Variants in WDR45B observed in about 807,000 individuals in gnomAD.
WDR45B encodes WD repeat domain phosphoinositide-interacting protein 3.
WDR45B carries 20 observed loss-of-function variants against 44.6 expected under a neutral mutation model. That is an observed-to-expected ratio of 0.45 (90% CI 0.32 to 0.65). WDR45B has a LOEUF of 0.65. WDR45B is among the 30% of genes least tolerant of loss of function. WDR45B has a pLI of 0.05. For missense variants in WDR45B, 323 were observed against 430.2 expected (o/e 0.75, Z 2.20); for synonymous variants, 169 against 164.9 (o/e 1.02, Z -0.19).
chr17:82,629,429 T>C, intron 3 of WDR45B: 1 of 886,678 alleles, frequency 1.1e-6, no homozygotes, highest in Non-Finnish European at 1.4e-6. Flanking sequence ...CTGTCCCTTC[T>C]GGGTGGGCTC....
chr17:82,644,072 TAAA>T (rs1221447077), intron 1 of WDR45B, 49 bp from the exon 2 acceptor site: 1 of 1,584,684 alleles, frequency 6.3e-7, no homozygotes, highest in South Asian at 1.1e-5. Context: ...CTGGAGTGGT[TAAA>T]AGAAAGAGGT....
intron 5 of WDR45B, among the ~76,000 whole-genome samples, chr17:82,624,658 G>A (rs1292479125): frequency 6.7e-6 from 1 of 148,806 alleles, no homozygotes; most frequent in Non-Finnish European, 1.5e-5. Context: ...TTGCTCTATC[G>A]CCCAGGCTGG....
intron 1 of WDR45B, among the ~76,000 whole-genome samples, chr17:82,646,961 G>A (rs2045986050): frequency 6.6e-6 from 1 of 152,230 alleles, no homozygotes; most frequent in African/African-American, 2.4e-5. Flanking sequence ...GCCGGGCGCA[G>A]TGGCTCACGC....
Position 82,614,752 on chromosome 17 carries a change from A to G in WDR45B, c.*1167T>C, listed in dbSNP as rs1059672. Reference sequence around the variant, plus strand: ...AACTAAAGAAACCGGCAAAACCGAGAACTCGCTGCTATGCAGGTTTTACAT... The same window carrying G: ...AACTAAAGAAACCGGCAAAACCGAGGACTCGCTGCTATGCAGGTTTTACAT... On this transcript the variant is annotated 3_prime_UTR_variant, in exon 10 of 10. Transcript: ENST00000392325. 89,473 of 152,306 alleles carry G rather than the reference A, an allele frequency of 0.59. 26,712 individuals are homozygous for G. The highest frequency in any genetic ancestry group is 0.68 in the African/African-American group (28,022 of 41,488). The allele number at this position is 152,306 out of a possible 1,614,324, so 9.4% of individuals were successfully genotyped here.
intron 4 of WDR45B, 66 bp downstream of exon 4, chr17:82,627,138 A>G: frequency 7.7e-7 from 1 of 1,298,872 alleles, no homozygotes; most frequent in Non-Finnish European, 1.1e-6. Context: ...AAAAATAGAA[A>G]AGTATTTCAG....
rs371871552 is a variant in WDR45B, at chr17:82,625,417, G to A, written c.399C>T (p.His133=). 22 of 1,614,052 alleles carry A rather than the reference G, an allele frequency of 1.4e-5. No individual in the cohort carries two copies. Among genetic ancestry groups the A allele is most frequent in the African/African-American group, 2.7e-5 (2 of 74,924 alleles). The part of the protein sequence containing the change: ...FTFTHNPHQL[H]VFETCYNPKG... ...TGGGGTTATAGCAGGTTTCGAAGAC[G>A]TGCAACTGATGGGGATTGTGTGTGA... Residue 133 remains histidine (H), a synonymous_variant, in exon 5 of 10, where the codon CAC becomes CAT. Coordinates refer to ENST00000392325, the MANE Select transcript of WDR45B (RefSeq NM_019613.4).
chr17:82,639,951 G>A (rs1259657771), intron 2 of WDR45B, among the ~76,000 whole-genome samples: 1 of 151,218 alleles, frequency 6.6e-6, no homozygotes, highest in Non-Finnish European at 1.5e-5. Flanking sequence ...GTCGGGTCAG[G>A]TGGGCTGCTG....
intron 2 of WDR45B, among the ~76,000 whole-genome samples, chr17:82,639,218 T>G (rs2045878076): frequency 6.6e-6 from 1 of 152,014 alleles, no homozygotes; most frequent in South Asian, 2.1e-4. Flanking sequence ...CATGGCCATC[T>G]CTCCAAATGA....
chr17:82,629,775 G>A, intron 3 of WDR45B: 1 of 985,528 alleles, frequency 1.0e-6, no homozygotes, highest in Non-Finnish European at 1.2e-6. Flanking sequence ...GAGTCATCTG[G>A]AACCTTCTGC....
intron 2 of WDR45B, among the ~76,000 whole-genome samples, chr17:82,634,152 A>AAAAAAAAG (rs1442997756): frequency 2.2e-5 from 2 of 92,454 alleles, no homozygotes. Context: ...CTCCATCTCA[A>AAAAAAAAG]AAAAAAAAAA....
intron 8 of WDR45B, among the ~76,000 whole-genome samples, chr17:82,616,975 G>A (rs1049583269): frequency 2.0e-5 from 3 of 151,826 alleles, no homozygotes; most frequent in Admixed American, 6.6e-5. Flanking sequence ...CCGCCACCAC[G>A]CCCGGCTAGT....
intron 5 of WDR45B, among the ~76,000 whole-genome samples, chr17:82,624,335 C>T (rs976169710): frequency 2.0e-5 from 3 of 152,202 alleles, no homozygotes; most frequent in African/African-American, 4.8e-5. Flanking sequence ...AATCTCGGCT[C>T]ACCGCAAGCT....
intron 3 of WDR45B, chr17:82,629,563 G>T (rs1007588363): frequency 1.0e-6 from 1 of 985,454 alleles, no homozygotes; most frequent in Non-Finnish European, 1.2e-6. Flanking sequence ...CAAAGGCCAA[G>T]ATCTCAAGCC....
chr17:82,644,594 A>G (rs1288558191), intron 1 of WDR45B: 1 of 175,838 alleles, frequency 5.7e-6, no homozygotes, highest in Admixed American at 5.4e-5. Context: ...TCCAAGTCAC[A>G]CAGCAGGCTG....
chr17:82,623,282 G>A (rs2045643667), intron 5 of WDR45B, among the ~76,000 whole-genome samples: 1 of 151,866 alleles, frequency 6.6e-6, no homozygotes, highest in African/African-American at 2.4e-5. Context: ...AGCTACTTGG[G>A]GGACTGAGGC....
At position 82,633,326 on chromosome 17, in the gene WDR45B, A is replaced by AT. The variant is rs1476331008; in HGVS notation, c.143-2305_143-2304insA. Among the ~76,000 whole-genome samples, 47 of 152,340 alleles carry AT rather than the reference A, an allele frequency of 3.1e-4. 1 individual carries two copies. The East Asian group carries it at 7.1e-3, about 23-fold the overall frequency. ...CAGTGCGTAATATCCAGAATATATG[A>AT]AGGACTTTTACAACTCAACAATAAA... is the stretch of plus-strand genomic sequence containing the variant. On this transcript the variant is annotated intron_variant, in intron 2 of 9. Coordinates refer to ENST00000392325, the MANE Select transcript of WDR45B (RefSeq NM_019613.4).
intron 5 of WDR45B, among the ~76,000 whole-genome samples, chr17:82,622,055 G>A (rs937800785): frequency 8.5e-5 from 13 of 152,050 alleles, no homozygotes; most frequent in Admixed American, 5.9e-4. Context: ...ATCATGGTAC[G>A]CGCTACCGAA....
chr17:82,631,751 C>T (rs1001645610), intron 2 of WDR45B, among the ~76,000 whole-genome samples: 2 of 151,534 alleles, frequency 1.3e-5, no homozygotes, highest in Non-Finnish European at 2.9e-5. Context: ...AGGAAGCTAA[C>T]TCAGCAAAAT....
At chr17:82,638,681 T>C (rs1388906877) in intron 2 of WDR45B, among the ~76,000 whole-genome samples, 2 of 152,082 alleles carry the variant, frequency 1.3e-5, no homozygotes, top group Admixed American at 1.3e-4. Flanking sequence ...GCCTCTGTCA[T>C]GTCGTGCAGT....
Sources: gnomAD v4.1 joint callset for allele counts (sites outside exome capture counted in the v4.1 genomes callset) on GRCh38, gnomAD v4.1.1 for gene constraint, MANE v1.5 for transcripts, NCBI Gene and HGNC (gene_info 2026-07-23, HGNC 2026-07-21) for gene names.